Variants in TLL1 observed in about 807,000 individuals in gnomAD.
TLL1 encodes the protein tolloid like 1.
TLL1 carries 49 observed loss-of-function variants against 128.2 expected under a neutral mutation model. The ratio of observed to expected loss-of-function variants is 0.38; its 90% confidence interval spans 0.30 to 0.48. TLL1 has a LOEUF of 0.48. Among genes scored for constraint, TLL1 ranks in the 20% least tolerant of loss-of-function variants. The probability of loss-of-function intolerance (pLI) is 0.96; values close to 1 mark genes in which losing one functional copy is unlikely to be tolerated. For missense variants in TLL1, 1,123 were observed against 1,242.0 expected, an observed-to-expected ratio of 0.90 and a Z score of 1.44; for synonymous variants, 454 against 418.8, an observed-to-expected ratio of 1.08 and a Z score of -1.03.
At chr4:166,018,503 C>T (rs1738058127) in intron 8 of TLL1, among the ~76,000 whole-genome samples, 1 of 152,044 alleles carries the variant, frequency 6.6e-6, no homozygotes, top group Admixed American at 6.6e-5. Context: ...AAACTATCAA[C>T]AAAGCAAACA....
chr4:166,002,575 G>T (rs750874735), intron 5 of TLL1, among the ~76,000 whole-genome samples: 1 of 152,042 alleles, frequency 6.6e-6, no homozygotes, highest in Non-Finnish European at 1.5e-5. Context: ...CTCTGAAGTA[G>T]CTAGGATTAC....
chr4:165,962,568 G>C (rs1180288979), intron 1 of TLL1, among the ~76,000 whole-genome samples: 2 of 152,048 alleles, frequency 1.3e-5, no homozygotes, highest in Admixed American at 6.6e-5. Flanking sequence ...TCTTATTACT[G>C]GGTATATACC....
intron 19 of TLL1, among the ~76,000 whole-genome samples, chr4:166,095,774 T>C (rs183218570): frequency 6.6e-6 from 1 of 152,226 alleles, no homozygotes; most frequent in African/African-American, 2.4e-5. Context: ...TTACCTTTCT[T>C]ATTCAGCTTC....
chr4:166,087,165 C>G lies in TLL1; in HGVS notation c.2443-3963C>G, dbSNP rs73861103. Among the ~76,000 whole-genome samples the G allele has an allele frequency of 8.1e-3, 1,233 of 152,208 alleles. 20 individuals carry two copies. The highest frequency in any genetic ancestry group is 0.027 in the African/African-American group (1,134 of 41,550). On this transcript the variant is annotated intron_variant, in intron 18 of 20. Transcript: ENST00000061240. ...AAATACAAACAAACAAAGTTCTAGGCATCCAAGCATACTTCAATAAGCTAA... is the reference window on the plus strand; with the variant it reads ...AAATACAAACAAACAAAGTTCTAGGGATCCAAGCATACTTCAATAAGCTAA...
rs1316968801 is a variant in TLL1 at position 166,003,469 on chromosome 4, T to C, written c.711T>C (p.Ile237=). The part of the protein sequence containing the change: ...SIGKNCDKFG[I]VVHELGHVIG... ...GCAAGAACTGTGATAAATTTGGGAT[T>C]GTTGTTCATGAATTGGGTCATGTGA... Residue 237 remains isoleucine, a synonymous_variant, in exon 6 of 21, where the codon ATT becomes ATC. Coordinates refer to ENST00000061240, the MANE Select transcript of TLL1 (RefSeq NM_012464.5). 1 of 1,614,078 alleles carries C rather than the reference T, an allele frequency of 6.2e-7. No individual in the cohort carries two copies. The highest frequency in any genetic ancestry group is 1.7e-5 in the Admixed American group (1 of 60,020).
rs1473286847 is a variant in TLL1 at position 166,103,224 on chromosome 4, T to C, written c.*2348T>C. 6.6e-6 allele frequency: 1 copy of C among 151,872 alleles called. No individual in the cohort carries two copies. The highest frequency in any genetic ancestry group is 1.5e-5 in the Non-Finnish European group (1 of 67,878). 9.4% of individuals were successfully genotyped at this position (151,872 alleles called of 1,614,324 possible). On this transcript the variant is annotated 3_prime_UTR_variant, in exon 21 of 21. Coordinates refer to ENST00000061240, the MANE Select transcript of TLL1 (RefSeq NM_012464.5). ...ACCTATATAAATAGTAGATTTTTTA[T>C]GGTGAAACTTTCCCACATAAAGTAA... is the stretch of plus-strand genomic sequence containing the variant.
chr4:166,084,101 C>T (rs1249458367), intron 18 of TLL1, among the ~76,000 whole-genome samples: 1 of 152,058 alleles, frequency 6.6e-6, no homozygotes, highest in Non-Finnish European at 1.5e-5. Flanking sequence ...GGGGTGATAT[C>T]TCATTTTGGT....
At chr4:166,072,899 A>G (rs531388365) in intron 16 of TLL1, among the ~76,000 whole-genome samples, 1 of 152,208 alleles carries the variant, frequency 6.6e-6, no homozygotes, top group Admixed American at 6.6e-5. Flanking sequence ...GTCAATTGCA[A>G]ATGTGAACTA....
chr4:166,079,104 A>T (rs774814983), intron 18 of TLL1, among the ~76,000 whole-genome samples: 2 of 152,194 alleles, frequency 1.3e-5, no homozygotes, highest in Admixed American at 6.5e-5. Flanking sequence ...GTTGAAGGAT[A>T]CTAAATGCTG....
At chr4:165,989,002 G>T (rs1022439483) in intron 1 of TLL1, among the ~76,000 whole-genome samples, 1 of 152,124 alleles carries the variant, frequency 6.6e-6, no homozygotes, top group Non-Finnish European at 1.5e-5. Context: ...TTTCCTCTCA[G>T]TGAAGACCTG....
intron 1 of TLL1, among the ~76,000 whole-genome samples, chr4:165,956,908 C>T (rs563002177): frequency 6.6e-6 from 1 of 152,186 alleles, no homozygotes; most frequent in East Asian, 1.9e-4. Flanking sequence ...CAAAAACACA[C>T]TAAAGTACAT....
intron 1 of TLL1, among the ~76,000 whole-genome samples, chr4:165,944,174 T>C (rs978214967): frequency 6.6e-6 from 1 of 152,164 alleles, no homozygotes; most frequent in Non-Finnish European, 1.5e-5. Flanking sequence ...GTACATCAAA[T>C]TTTGACATTC....
chr4:165,896,491 T>C (rs1484806872), intron 1 of TLL1, among the ~76,000 whole-genome samples: 1 of 149,204 alleles, frequency 6.7e-6, no homozygotes, highest in Non-Finnish European at 1.5e-5. Context: ...TTTTTTTTTT[T>C]TTTTTTTTTC....
chr4:165,926,799 T>TA (rs1389001826), intron 1 of TLL1, among the ~76,000 whole-genome samples: 8 of 152,206 alleles, frequency 5.3e-5, no homozygotes, highest in African/African-American at 1.7e-4. Flanking sequence ...ACTCTGTCGT[T>TA]TCATTAACTT....
chr4:166,055,048 T>C (rs139088333), intron 12 of TLL1, 28 bp from the exon 13 acceptor site: 2 of 1,590,326 alleles, frequency 1.3e-6, no homozygotes, highest in Admixed American at 1.7e-5. Context: ...TATAAACATA[T>C]ATTTTCACAT....
At chr4:166,024,800 T>A (rs577803024) in intron 8 of TLL1, among the ~76,000 whole-genome samples, 65 of 152,292 alleles carry the variant, frequency 4.3e-4, no homozygotes, top group Non-Finnish European at 7.6e-4. Flanking sequence ...ACATATATAT[T>A]TTTTCTTATT....
chr4:166,062,788 T>A (rs921560629), intron 15 of TLL1, among the ~76,000 whole-genome samples: 7 of 152,158 alleles, frequency 4.6e-5, no homozygotes, highest in Admixed American at 4.6e-4. Flanking sequence ...GGCATCCCTG[T>A]CTTGTGCCAG....
At chr4:166,033,592 T>C (rs112042512) in intron 9 of TLL1, among the ~76,000 whole-genome samples, 80 of 152,346 alleles carry the variant, frequency 5.3e-4, no homozygotes, top group African/African-American at 1.8e-3. Context: ...ATGTACTTAA[T>C]GCACAGAACT....
chr4:165,984,022 A>G (rs1289707697), intron 1 of TLL1, among the ~76,000 whole-genome samples: 1 of 151,850 alleles, frequency 6.6e-6, no homozygotes, highest in Non-Finnish European at 1.5e-5. Flanking sequence ...AAAAGTGGAA[A>G]AGTAGATTTT....
Sources: allele counts gnomAD v4.1 joint callset (sites outside exome capture counted in the v4.1 genomes callset), GRCh38; gene constraint gnomAD v4.1.1; transcripts MANE v1.5; gene names NCBI Gene and HGNC (gene_info 2026-07-23, HGNC 2026-07-21).